The following PPP2R2A variants were observed in gnomAD, a reference collection of about 807,000 sequenced individuals.
PPP2R2A encodes the protein protein phosphatase 2 regulatory subunit Balpha.
In PPP2R2A, 9 loss-of-function variants were observed where a neutral mutation model predicts 53.2. That is an observed-to-expected ratio of 0.17 (90% CI 0.10 to 0.30). The LOEUF (loss-of-function observed/expected upper bound fraction) is 0.30. Among genes scored for constraint, PPP2R2A ranks in the 10% least tolerant of loss-of-function variants. The pLI, the probability that PPP2R2A is intolerant of heterozygous loss-of-function variation, is 1.00. For synonymous variants in PPP2R2A, 169 were observed against 174.2 expected (o/e 0.97, Z 0.23); for missense variants, 235 against 534.6 (o/e 0.44, Z 5.53).
intron 1 of PPP2R2A, chr8:26,292,176 C>T (rs1801329671): frequency 2.6e-6 from 3 of 1,174,162 alleles, no homozygotes; most frequent in Middle Eastern, 3.4e-4. Context: ...CCCACCTTGC[C>T]CCCCGCCTTT....
Position 26,354,736 on chromosome 8 carries a change from G to A in PPP2R2A, c.346+103G>A. On this transcript the variant is annotated intron_variant, in intron 4 of 9. Coordinates refer to ENST00000380737, the MANE Select transcript of PPP2R2A (RefSeq NM_002717.4). This position sits in a 1 kb window ranked among gnomAD's most constrained non-coding sequence, Gnocchi z 4.6. Reference sequence around the variant, plus strand: ...ATTTAACAGAGATACTTGTAAAAAGGACTTTTGTTTTTCTATACAGAATGT... The same window carrying A: ...ATTTAACAGAGATACTTGTAAAAAGAACTTTTGTTTTTCTATACAGAATGT... 2 of 1,143,712 alleles carry A rather than the reference G, an allele frequency of 1.7e-6. No homozygotes were observed. Among genetic ancestry groups the A allele is most frequent in the Non-Finnish European group, 2.3e-6 (2 of 868,544 alleles). The allele number at this position is 1,143,712 out of a possible 1,614,324, so 70.8% of individuals were successfully genotyped here.
chr8:26,320,850 G>A (rs944489072), intron 2 of PPP2R2A, among the ~76,000 whole-genome samples: 2 of 152,168 alleles, frequency 1.3e-5, no homozygotes, highest in Admixed American at 6.5e-5. Context: ...CAATAGAATT[G>A]AATTATATGG....
At chr8:26,293,219 T>G (rs965844079) in intron 1 of PPP2R2A, 1 of 1,535,226 alleles carries the variant, frequency 6.5e-7, no homozygotes, top group Non-Finnish European at 8.7e-7. Flanking sequence ...AAGGTTCATA[T>G]GAATCATTAC....
At chr8:26,357,299 A>G (rs2117391309) in intron 4 of PPP2R2A, among the ~76,000 whole-genome samples, 1 of 118,666 alleles carries the variant, frequency 8.4e-6, no homozygotes, top group East Asian at 2.9e-4. Flanking sequence ...CCCCCCCAAT[A>G]TAATGGGTCT....
intron 2 of PPP2R2A, among the ~76,000 whole-genome samples, chr8:26,295,965 T>C (rs1023204158): frequency 4.6e-5 from 7 of 152,178 alleles, no homozygotes; most frequent in African/African-American, 1.7e-4. Context: ...GCTCAACTTT[T>C]ACTTGCCTGT....
At chr8:26,361,597 C>T (rs1805085372) in intron 6 of PPP2R2A, among the ~76,000 whole-genome samples, 1 of 151,458 alleles carries the variant, frequency 6.6e-6, no homozygotes. Context: ...CAGAGCAACA[C>T]CCTGTCTCTA....
intron 2 of PPP2R2A, among the ~76,000 whole-genome samples, chr8:26,295,279 C>T (rs985802117): frequency 5.0e-4 from 76 of 152,238 alleles, no homozygotes; most frequent in African/African-American, 1.5e-3. Context: ...TTAAACATTA[C>T]GCAGAAAGAT....
chr8:26,355,403 C>T (rs1804722694), intron 4 of PPP2R2A, among the ~76,000 whole-genome samples: 1 of 152,158 alleles, frequency 6.6e-6, no homozygotes, highest in Non-Finnish European at 1.5e-5. Flanking sequence ...CCACACCCGG[C>T]TAATTTTTTA....
chr8:26,299,998 T>C (rs1428247816), intron 2 of PPP2R2A, among the ~76,000 whole-genome samples: 1 of 152,228 alleles, frequency 6.6e-6, no homozygotes, highest in Non-Finnish European at 1.5e-5. Context: ...TAGACCTCAC[T>C]CAGTACAGTC....
intron 1 of PPP2R2A, chr8:26,293,462 C>A: frequency 1.4e-6 from 1 of 690,864 alleles, no homozygotes. Flanking sequence ...TTAAATATTT[C>A]GTACCTGGAA....
chr8:26,292,306 A>G (rs1801336549), intron 1 of PPP2R2A: 1 of 989,816 alleles, frequency 1.0e-6, no homozygotes, highest in African/African-American at 1.7e-5. Context: ...AAGTTAAAAT[A>G]CAGTGGGGGC....
At chr8:26,365,419 T>A (rs1403712607) in intron 8 of PPP2R2A, 1 of 152,168 alleles carries the variant, frequency 6.6e-6, no homozygotes, top group Admixed American at 6.5e-5. Flanking sequence ...CATTCCACTA[T>A]ATTTAAAGTT....
At chr8:26,330,065 G>C (rs943330779) in intron 2 of PPP2R2A, among the ~76,000 whole-genome samples, 5 of 152,050 alleles carry the variant, frequency 3.3e-5, no homozygotes, top group South Asian at 4.1e-4. Flanking sequence ...TGATACTTAC[G>C]TTAGAGCACT....
intron 4 of PPP2R2A, among the ~76,000 whole-genome samples, chr8:26,356,722 C>G (rs1804799251): frequency 6.6e-6 from 1 of 152,038 alleles, no homozygotes; most frequent in Admixed American, 6.6e-5. Flanking sequence ...ATTTTTATGT[C>G]AGTTTATTTC....
chr8:26,359,344 A>C (rs1804957819), intron 4 of PPP2R2A, among the ~76,000 whole-genome samples: 1 of 152,214 alleles, frequency 6.6e-6, no homozygotes, highest in South Asian at 2.1e-4. Flanking sequence ...CTCCAAATGC[A>C]GTCTGTAGTT....
rs1478590518 is a variant in PPP2R2A at position 26,326,636 on chromosome 8, AC to A, written c.83-12252del. On this transcript the variant is annotated intron_variant, in intron 2 of 9. Coordinates refer to ENST00000380737, the MANE Select transcript of PPP2R2A (RefSeq NM_002717.4). Reference sequence around the variant, plus strand: ...AGATACCCATTCTAATTATAAAAATACCTTAATTAGGCATACATAGATGCAA... The same window carrying A: ...AGATACCCATTCTAATTATAAAAATACTTAATTAGGCATACATAGATGCAA... Among the ~76,000 whole-genome samples, 4 of 152,194 alleles carry A rather than the reference AC, an allele frequency of 2.6e-5. No individual in the cohort carries two copies. In the East Asian group the frequency reaches 7.7e-4, roughly 29 times the overall value.
intron 4 of PPP2R2A, among the ~76,000 whole-genome samples, chr8:26,356,076 TA>T (rs1804768446): frequency 6.6e-6 from 1 of 152,196 alleles, no homozygotes; most frequent in South Asian, 2.1e-4. Context: ...AATTTGTGAT[TA>T]AAACTTTTTT....
intron 2 of PPP2R2A, chr8:26,333,475 ATTTC>A (rs1299964911): frequency 8.3e-7 from 1 of 1,209,432 alleles, no homozygotes; most frequent in Admixed American, 2.3e-5. Context: ...ACTTTGATTA[ATTTC>A]TTTCAGATCA....
intron 3 of PPP2R2A, among the ~76,000 whole-genome samples, chr8:26,348,595 A>T (rs1804340878): frequency 1.3e-5 from 2 of 152,224 alleles, no homozygotes; most frequent in South Asian, 4.1e-4. Context: ...TATGGAAAAA[A>T]ATGTGAAATC....
Sources: gnomAD v4.1 joint callset for allele counts (sites outside exome capture counted in the v4.1 genomes callset) on GRCh38, gnomAD v4.1.1 for gene constraint, Gnocchi (gnomAD v3.1) non-coding constraint, MANE v1.5 for transcripts, NCBI Gene and HGNC (gene_info 2026-07-23, HGNC 2026-07-21) for gene names.